CNTN5: variants seen among roughly 807,000 people sequenced by gnomAD.
CNTN5 encodes contactin 5, also known as contactin-5.
In CNTN5, 77 loss-of-function variants were observed where a neutral mutation model predicts 129.1. That is an observed-to-expected ratio of 0.60 (90% CI 0.50 to 0.72). The LOEUF (loss-of-function observed/expected upper bound fraction) is 0.72, where lower values mean the gene tolerates loss of function less well. CNTN5 is among the 30% of genes least tolerant of loss of function. The probability of loss-of-function intolerance (pLI) is 0.00; values close to 1 mark genes in which losing one functional copy is unlikely to be tolerated. For missense variants in CNTN5, 1,478 were observed against 1,328.8 expected, an observed-to-expected ratio of 1.11 and a Z score of -1.75; for synonymous variants, 509 against 465.6, an observed-to-expected ratio of 1.09 and a Z score of -1.20.
At chr11:99,224,657 A>ATTTTTTTTTTTTTTTTT (rs3082693) in intron 1 of CNTN5, among the ~76,000 whole-genome samples, 1 of 108,972 alleles carries the variant, frequency 9.2e-6, no homozygotes, top group Non-Finnish European at 1.8e-5. Context: ...CCAAGGTTGC[A>ATTTTTTTTTTTTTTTTT]TTTTTTTTTT....
intron 6 of CNTN5, among the ~76,000 whole-genome samples, chr11:99,879,900 A>G (rs779087452): frequency 1.3e-5 from 2 of 152,184 alleles, no homozygotes; most frequent in Admixed American, 1.3e-4. Context: ...CCTCCTGCAC[A>G]CTCATTTTCA....
intron 1 of CNTN5, among the ~76,000 whole-genome samples, chr11:99,314,932 T>A (rs549002982): frequency 6.7e-6 from 1 of 148,772 alleles, no homozygotes; most frequent in Non-Finnish European, 1.5e-5. Flanking sequence ...AAATTGCATA[T>A]TCTTATTCAG....
chr11:99,091,690 T>C (rs553804812), intron 1 of CNTN5, among the ~76,000 whole-genome samples: 1 of 152,296 alleles, frequency 6.6e-6, no homozygotes, highest in African/African-American at 2.4e-5. Flanking sequence ...GAACTTACTT[T>C]GGCTTCTTTT....
At chr11:99,677,147 C>A (rs2134687757) in intron 3 of CNTN5, among the ~76,000 whole-genome samples, 1 of 152,084 alleles carries the variant, frequency 6.6e-6, no homozygotes, top group Non-Finnish European at 1.5e-5. Flanking sequence ...GATACTAATC[C>A]ACCAGAAGTA....
chr11:99,075,211 T>C (rs896456881), intron 1 of CNTN5, among the ~76,000 whole-genome samples: 1 of 152,188 alleles, frequency 6.6e-6, no homozygotes, highest in Non-Finnish European at 1.5e-5. Context: ...AAATAAATAA[T>C]AAATTTATTT....
chr11:99,488,235 C>T lies in CNTN5; in HGVS notation c.-70-67910C>T, dbSNP rs149626798. Reference sequence around the variant, plus strand: ...TCGTCCAGGCTGGAGTGCAGTGGCGCGATCTCGGCTCACTGGAACCTCCAT... The same window carrying T: ...TCGTCCAGGCTGGAGTGCAGTGGCGTGATCTCGGCTCACTGGAACCTCCAT... On this transcript the variant is annotated intron_variant, in intron 2 of 24. Coordinates refer to ENST00000524871, the MANE Select transcript of CNTN5 (RefSeq NM_014361.4). 5.7e-3 allele frequency among the ~76,000 whole-genome samples: 830 copies of T among 145,726 alleles called. 33 individuals carry two copies. In the East Asian group the frequency reaches 0.095, roughly 17 times the overall value.
chr11:99,556,450 A>G (rs368520927), intron 3 of CNTN5, among the ~76,000 whole-genome samples, 181 bp downstream of exon 3: 1 of 150,168 alleles, frequency 6.7e-6, no homozygotes, highest in South Asian at 2.1e-4. Context: ...AATGCCATAT[A>G]CAATTTAATA....
chr11:99,562,950 G>T (rs1397381587), intron 3 of CNTN5, among the ~76,000 whole-genome samples: 1 of 152,156 alleles, frequency 6.6e-6, no homozygotes, highest in Admixed American at 6.5e-5. Context: ...ATTCATTCTT[G>T]CATGGATGAC....
chr11:100,227,792 T>G (rs1949410399), intron 16 of CNTN5, among the ~76,000 whole-genome samples: 1 of 152,174 alleles, frequency 6.6e-6, no homozygotes, highest in African/African-American at 2.4e-5. Context: ...CATGACTAAA[T>G]ACTGCTATAG....
At chr11:100,166,858 T>C (rs1187448483) in intron 13 of CNTN5, among the ~76,000 whole-genome samples, 23 of 151,838 alleles carry the variant, frequency 1.5e-4, no homozygotes, top group Admixed American at 1.5e-3. Context: ...GTTATCTTAG[T>C]TTTAGAGTCA....
Position 100,350,785 on chromosome 11 carries a change from T to C in CNTN5, c.3114T>C (p.Ala1038=), listed in dbSNP as rs761948240. 2.5e-6 allele frequency: 4 copies of C among 1,608,960 alleles called. No homozygotes were observed. In the Admixed American group the frequency reaches 5.0e-5, roughly 20 times the overall value. The change falls in exon 24 of 25, where the codon GCT becomes GCC. Residue 1038 remains alanine, a synonymous_variant. Transcript: ENST00000524871. Reference sequence around the variant, plus strand: ...AAGCAGTAGTACCACTCCCAGATGCTGGAGTCTATATTATTGAAGTTCGAG... The same window carrying C: ...AAGCAGTAGTACCACTCCCAGATGCCGGAGTCTATATTATTGAAGTTCGAG... ...KLQAVVPLPD[A]GVYIIEVRAY...
chr11:99,085,336 T>C (rs1016053997), intron 1 of CNTN5, among the ~76,000 whole-genome samples: 2 of 152,278 alleles, frequency 1.3e-5, no homozygotes, highest in Non-Finnish European at 1.5e-5. Flanking sequence ...TGAGCCACCG[T>C]GCCCGGCCTA....
At chr11:99,367,743 G>GGA in intron 2 of CNTN5, among the ~76,000 whole-genome samples, 1 of 151,940 alleles carries the variant, frequency 6.6e-6, no homozygotes, top group Non-Finnish European at 1.5e-5. Flanking sequence ...TAGGATGGGT[G>GGA]GAGAGAGAGA....
At chr11:99,975,730 A>G (rs963723968) in intron 8 of CNTN5, among the ~76,000 whole-genome samples, 10 of 152,094 alleles carry the variant, frequency 6.6e-5, no homozygotes, top group African/African-American at 2.4e-4. Flanking sequence ...ACCTCCCACT[A>G]GGCCCTACCT....
chr11:99,797,131 A>G (rs1945969609), intron 3 of CNTN5, among the ~76,000 whole-genome samples: 2 of 151,970 alleles, frequency 1.3e-5, no homozygotes, highest in African/African-American at 2.4e-5. Flanking sequence ...ACTGTATCAC[A>G]TTTCTTAATG....
chr11:99,941,267 G>A (rs1241435831), intron 7 of CNTN5, among the ~76,000 whole-genome samples: 1 of 151,856 alleles, frequency 6.6e-6, no homozygotes, highest in Non-Finnish European at 1.5e-5. Flanking sequence ...AGGGTTTCTA[G>A]AAAAACTTCC....
chr11:99,036,395 A>G (rs1010607716), intron 1 of CNTN5, among the ~76,000 whole-genome samples: 21 of 151,988 alleles, frequency 1.4e-4, no homozygotes, highest in East Asian at 3.9e-4. Context: ...TGTTGTTTCA[A>G]TTTTTCTTAA....
intron 9 of CNTN5, among the ~76,000 whole-genome samples, chr11:100,026,733 T>C (rs1409788792): frequency 6.6e-6 from 1 of 152,230 alleles, no homozygotes; most frequent in African/African-American, 2.4e-5. Context: ...CAGATTGTTT[T>C]CTTATTGTTT....
At chr11:100,307,146 GGAAA>G (rs141357755) in intron 20 of CNTN5, among the ~76,000 whole-genome samples, 1,534 of 151,468 alleles carry the variant, frequency 0.01, 21 homozygotes, top group African/African-American at 0.035. Context: ...TTTCAGAAAA[GGAAA>G]GACCTCAGAA....
Sources: allele counts gnomAD v4.1 joint callset (sites outside exome capture counted in the v4.1 genomes callset), GRCh38; gene constraint gnomAD v4.1.1; transcripts MANE v1.5; gene names NCBI Gene and HGNC (gene_info 2026-07-23, HGNC 2026-07-21).